UBA52: variants seen among roughly 807,000 people sequenced by gnomAD.
UBA52 encodes the protein ubiquitin A-52 residue ribosomal protein fusion product 1.
A neutral mutation model predicts 15.3 loss-of-function variants in UBA52; 1 was observed. That is an observed-to-expected ratio of 0.07 (90% CI 0.02 to 0.31). The LOEUF (loss-of-function observed/expected upper bound fraction) is 0.31, where lower values mean the gene tolerates loss of function less well. UBA52 is among the 10% of genes least tolerant of loss of function. UBA52 has a pLI of 1.00. For synonymous variants in UBA52, 50 were observed against 58.3 expected (o/e 0.86, Z 0.65); for missense variants, 87 against 168.0 (o/e 0.52, Z 2.66).
chr19:18,576,974 CATT>C lies in UBA52; in HGVS notation c.*1825_*1827del, dbSNP rs1223168291. The C allele has an allele frequency of 1.1e-5, 1 of 88,182 alleles. No homozygotes were observed. Among genetic ancestry groups the C allele is most frequent in the African/African-American group, 3.5e-5 (1 of 28,682 alleles). 5.5% of individuals were successfully genotyped at this position (88,182 alleles called of 1,614,324 possible). A position where few individuals can be genotyped will look rare whatever the true frequency, so the allele number is the denominator to read the frequency against. On this transcript the variant is annotated 3_prime_UTR_variant, in exon 5 of 5. Transcript: ENST00000442744. ...TAAGCCACAGCGCCTGGCCTTGCTA[CATT>C]TTTTTTTTTTTTTTTTTTTTTACAG...
upstream of UBA52, chr19:18,568,782 T>C (rs527302294): frequency 4.9e-5 from 30 of 618,072 alleles, no homozygotes; most frequent in Non-Finnish European, 1.1e-5. Context: ...TCCCGAGGGG[T>C]GTGGAATTCC....
intron 3 of UBA52, among the ~76,000 whole-genome samples, chr19:18,574,387 C>T (rs1041076496): frequency 4.6e-5 from 7 of 151,816 alleles, no homozygotes; most frequent in Admixed American, 3.9e-4. Flanking sequence ...CTCCCGGGTT[C>T]AAGCGATTCC....
upstream of UBA52, among the ~76,000 whole-genome samples, chr19:18,570,507 C>CCTTTTTTTTTT (rs1555752290): frequency 8.9e-5 from 4 of 44,786 alleles, 2 homozygotes; most frequent in Non-Finnish European, 1.0e-4. Flanking sequence ...CGCCGTGGCA[C>CCTTTTTTTTTT]TTTTTTTTTT....
chr19:18,569,831 C>G (rs982718307), upstream of UBA52, among the ~76,000 whole-genome samples: 3 of 151,998 alleles, frequency 2.0e-5, no homozygotes, highest in African/African-American at 7.2e-5. Flanking sequence ...GTCAGGAGTT[C>G]GAGACCAGCC....
chr19:18,565,221 C>T, the UBA52 span: 195 of 1,309,658 alleles, frequency 1.5e-4, 2 homozygotes, highest in South Asian at 3.3e-3. Flanking sequence ...ATTAATTGAT[C>T]GAGACAGAGT....
chr19:18,568,267 A>G, upstream of UBA52: 1 of 209,480 alleles, frequency 4.8e-6, no homozygotes, highest in Non-Finnish European at 9.4e-6. Flanking sequence ...CTCCGTCTCA[A>G]AAAAAAAAAA....
upstream of UBA52, chr19:18,568,590 G>A (rs28681686): frequency 2.7e-3 from 4,321 of 1,612,978 alleles, 120 homozygotes; most frequent in African/African-American, 0.051. Flanking sequence ...AGCCATCAAC[G>A]GCCGCAGCCA....
chr19:18,571,768 A>G (rs961737932), upstream of UBA52: 3 of 152,132 alleles, frequency 2.0e-5, no homozygotes, highest in African/African-American at 7.2e-5. Context: ...GCGGGGCCCA[A>G]GGCGCGGCGC....
At chr19:18,567,943 G>C (rs1429773723), upstream of UBA52, among the ~76,000 whole-genome samples, 1 of 152,106 alleles carries the variant, frequency 6.6e-6, no homozygotes, top group Non-Finnish European at 1.5e-5. Flanking sequence ...TTCCCTGCCT[G>C]GGCCTCAGTT....
rs1048804744 is a variant in UBA52 at position 18,577,059 on chromosome 19, C to T, written c.*1909C>T. The T allele has an allele frequency of 3.4e-5, 5 of 147,988 alleles. No homozygotes were observed. The highest frequency in any genetic ancestry group is 7.5e-5 in the African/African-American group (3 of 40,184). The allele number at this position is 147,988 out of a possible 1,614,324, so 9.2% of individuals were successfully genotyped here. A position where few individuals can be genotyped will look rare whatever the true frequency, so the allele number is the denominator to read the frequency against. On this transcript the variant is annotated 3_prime_UTR_variant, in exon 5 of 5. Coordinates refer to ENST00000442744, the MANE Select transcript of UBA52 (RefSeq NM_001033930.3). ...TTGCACTGGGTCCAAGCAGTTCTGCCGCAGCCTCCCAAAGTGCTGGGATTA... is the reference window on the plus strand; with the variant it reads ...TTGCACTGGGTCCAAGCAGTTCTGCTGCAGCCTCCCAAAGTGCTGGGATTA...
chr19:18,576,536 G>A lies in UBA52; in HGVS notation c.*1386G>A, dbSNP rs1975789691. 6.6e-6 allele frequency: 1 copy of A among 152,092 alleles called. No individual in the cohort carries two copies. The highest frequency in any genetic ancestry group is 1.5e-5 in the Non-Finnish European group (1 of 68,036). 9.4% of individuals were successfully genotyped at this position (152,092 alleles called of 1,614,324 possible). On this transcript the variant is annotated 3_prime_UTR_variant, in exon 5 of 5. Coordinates refer to ENST00000442744, the MANE Select transcript of UBA52 (RefSeq NM_001033930.3). Reference sequence around the variant, plus strand: ...CTTGCCTCAGCCTCCCGAGTAGCTGGGACTGCATGCTTGTGCCACCACACT... The same window carrying A: ...CTTGCCTCAGCCTCCCGAGTAGCTGAGACTGCATGCTTGTGCCACCACACT...
rs1193940615 is a variant in UBA52, at chr19:18,576,676, T to G, written c.*1526T>G. The G allele has an allele frequency of 6.6e-6, 1 of 151,602 alleles. No individual in the cohort carries two copies. The highest frequency in any genetic ancestry group is 6.6e-5 in the Admixed American group (1 of 15,216). The allele number at this position is 151,602 out of a possible 1,614,324, so 9.4% of individuals were successfully genotyped here. Reference sequence around the variant, plus strand: ...TTTTTTATCACTTTTTTTTTTTTTTTTTGAGATGGAGCCTTGCTCCCATCG... The same window carrying G: ...TTTTTTATCACTTTTTTTTTTTTTTGTTGAGATGGAGCCTTGCTCCCATCG... On this transcript the variant is annotated 3_prime_UTR_variant, in exon 5 of 5. Transcript: ENST00000442744.
upstream of UBA52, among the ~76,000 whole-genome samples, chr19:18,570,500 C>T (rs886296355): frequency 1.4e-5 from 2 of 143,102 alleles, no homozygotes; most frequent in African/African-American, 5.0e-5. Context: ...CTGCACCCGC[C>T]GTGGCACTTT....
intron 1 of UBA52, chr19:18,572,658 A>G (rs1600615213): frequency 2.7e-6 from 1 of 375,460 alleles, no homozygotes; most frequent in Non-Finnish European, 3.7e-6. Flanking sequence ...GTCAACTTTT[A>G]TATGTGAACA....
At chr19:18,570,742 C>T (rs41292095), upstream of UBA52, among the ~76,000 whole-genome samples, 5 of 151,454 alleles carry the variant, frequency 3.3e-5, no homozygotes, top group South Asian at 8.4e-4. Context: ...GGCTGTAGTG[C>T]AATGGCACTC....
At chr19:18,570,507 CTTTTT>C (rs1555752289), upstream of UBA52, among the ~76,000 whole-genome samples, 3 of 44,786 alleles carry the variant, frequency 6.7e-5, no homozygotes, top group Admixed American at 2.7e-4. Flanking sequence ...CGCCGTGGCA[CTTTTT>C]TTTTTTTTTT....
chr19:18,568,710 C>A, upstream of UBA52: 2 of 1,092,892 alleles, frequency 1.8e-6, no homozygotes, highest in South Asian at 2.8e-5. Context: ...CTTGTTCTGT[C>A]ATCCAGGGCT....
the UBA52 span, among the ~76,000 whole-genome samples, chr19:18,564,150 G>A: frequency 2.6e-5 from 4 of 152,040 alleles, no homozygotes; most frequent in East Asian, 2.0e-4. Flanking sequence ...CTCCCAAAGC[G>A]CTGGAATTGC....
upstream of UBA52, chr19:18,568,895 G>A (rs1180042685): frequency 2.0e-6 from 1 of 500,472 alleles, no homozygotes; most frequent in Non-Finnish European, 3.6e-6. Flanking sequence ...GGAGTCGTGG[G>A]GCTGGGCACA....
Sources: gnomAD v4.1 joint callset for allele counts (sites outside exome capture counted in the v4.1 genomes callset) on GRCh38, gnomAD v4.1.1 for gene constraint, MANE v1.5 for transcripts, NCBI Gene and HGNC (gene_info 2026-07-23, HGNC 2026-07-21) for gene names.